C6orf136: variants seen among roughly 807,000 people sequenced by gnomAD.
C6orf136 encodes uncharacterized protein C6orf136.
In C6orf136, 29 loss-of-function variants were observed where a neutral mutation model predicts 44.0. The ratio of observed to expected loss-of-function variants is 0.66; its 90% CI spans 0.49 to 0.90. The LOEUF is 0.90. C6orf136 is among the 40% of genes least tolerant of loss of function. C6orf136 has a pLI of 0.00. For synonymous variants in C6orf136, 293 were observed against 278.6 expected (o/e 1.05, Z -0.52); for missense variants, 628 against 669.3 (o/e 0.94, Z 0.68).
chr6:30,647,483 C>T lies in C6orf136; in HGVS notation c.252C>T (p.Arg84=), dbSNP rs3132594. The T allele has an allele frequency of 0.026, 38,591 of 1,489,316 alleles. 1,078 individuals are homozygous for T. The highest frequency in any genetic ancestry group is 0.14 in the African/African-American group (9,910 of 71,260). The allele number at this position is 1,489,316 out of a possible 1,614,324, so 92.3% of individuals were successfully genotyped here. ...GGGTCGCGGGAGCGGGAGGGAGGCG[C>T]TGCCGGGCCTGTCGCGCAAGGACGT... ...RLGVAGAGGR[R]CRACRARTSV... is the part of the protein sequence containing the mutation. The change falls in exon 1 of 6, where the codon CGC becomes CGT. Residue 84 remains arginine, a synonymous_variant. Transcript: ENST00000651131. The surrounding 1 kb of genome is among the most constrained non-coding windows in gnomAD (Gnocchi z 4.8).
chr6:30,647,752 C>G lies in C6orf136; in HGVS notation c.521C>G (p.Pro174Arg). The G allele has an allele frequency of 6.5e-7, 1 of 1,548,742 alleles. No individual in the cohort carries two copies. Among genetic ancestry groups the G allele is most frequent in the Non-Finnish European group, 8.7e-7 (1 of 1,146,594 alleles). ...LGERSWQEGR[P>R]VCTRFGPLRP... ...GAGCGGTCCTGGCAGGAAGGCCGGC[C>G]AGTGTGCACCCGGTTCGGGCCCCTG... Residue 174 changes from proline to arginine, a missense_variant, in exon 1 of 6, where the codon CCA becomes CGA. Around this residue, in one of 2 missense-constraint regions of C6orf136, gnomAD observed 497 missense variants for 469.2 expected, o/e 1.06. Transcript: ENST00000651131. This position sits in a 1 kb window ranked among gnomAD's most constrained non-coding sequence, Gnocchi z 4.8.
At chr6:30,648,899 T>G (rs1054375601) in intron 1 of C6orf136, among the ~76,000 whole-genome samples, 1 of 151,720 alleles carries the variant, frequency 6.6e-6, no homozygotes, top group Admixed American at 6.6e-5. Context: ...TCCCAGCTAC[T>G]CGGGAGGCTG....
In C6orf136 at chr6:30,647,450, C is replaced by G. The variant is rs1454974068; in HGVS notation, c.219C>G (p.Asp73Glu). 2 of 1,471,812 alleles carry G rather than the reference C, an allele frequency of 1.4e-6. No homozygotes were observed. Among genetic ancestry groups the G allele is most frequent in the South Asian group, 1.4e-5 (1 of 73,328 alleles). The allele number at this position is 1,471,812 out of a possible 1,614,324, so 91.2% of individuals were successfully genotyped here. ...CCACCTGTGCCCTGCAGCGCGTGGACAGGCTAGGGGTCGCGGGAGCGGGAG... is the reference window on the plus strand; with the variant it reads ...CCACCTGTGCCCTGCAGCGCGTGGAGAGGCTAGGGGTCGCGGGAGCGGGAG... ...PLPTCALQRV[D>E]RLGVAGAGGR... Residue 73 changes from aspartate to glutamate, a missense_variant, in exon 1 of 6, where the codon GAC becomes GAG. Asp to Glu is a conservative substitution (Grantham distance 45). This residue lies in a region of C6orf136 where 497 missense variants were observed against 469.2 expected (regional missense o/e 1.06). Coordinates refer to ENST00000651131, the MANE Select transcript of C6orf136 (RefSeq NM_001161376.2). The surrounding 1 kb of genome is among the most constrained non-coding windows in gnomAD (Gnocchi z 4.8).
In C6orf136 at chr6:30,647,284, C is replaced by A. The variant is rs1455893883; in HGVS notation, c.53C>A (p.Ala18Asp). 6.2e-7 allele frequency: 1 copy of A among 1,600,432 alleles called. No individual in the cohort carries two copies. The highest frequency in any genetic ancestry group is 1.7e-5 in the Admixed American group (1 of 58,584). Residue 18 changes from alanine to aspartate, a missense_variant, in exon 1 of 6, where the codon GCC becomes GAC. By Grantham distance (126) the Ala-to-Asp change is moderately radical. Transcript: ENST00000651131. The surrounding 1 kb of genome is among the most constrained non-coding windows in gnomAD (Gnocchi z 4.8). The stretch of plus-strand genomic sequence containing the variant: ...CGGCGTCTCGGCCCTTGCCTGCGCG[C>A]CTACCAGGCTCGACCCCAGGTGAGC... ...AARRLGPCLR[A>D]YQARPQVSGG...
Position 30,647,178 on chromosome 6 carries a change from G to C in C6orf136, c.-54G>C. On this transcript the variant is annotated 5_prime_UTR_variant, in exon 1 of 6. Coordinates refer to ENST00000651131, the MANE Select transcript of C6orf136 (RefSeq NM_001161376.2). This position sits in a 1 kb window ranked among gnomAD's most constrained non-coding sequence, Gnocchi z 4.8. ...CCGGCTCTGGGGCGCGCTCACCCCTGTGAGGAGGCCGGAGGTCGGACTCAG... is the reference window on the plus strand; with the variant it reads ...CCGGCTCTGGGGCGCGCTCACCCCTCTGAGGAGGCCGGAGGTCGGACTCAG... The C allele has an allele frequency of 6.7e-7, 1 of 1,499,420 alleles. No homozygotes were observed. Among genetic ancestry groups the C allele is most frequent in the Non-Finnish European group, 8.8e-7 (1 of 1,130,226 alleles). The allele number at this position is 1,499,420 out of a possible 1,614,324, so 92.9% of individuals were successfully genotyped here. A position where few individuals can be genotyped will look rare whatever the true frequency, so the allele number is the denominator to read the frequency against.
chr6:30,652,393 T>C (rs951740171), intron 4 of C6orf136, among the ~76,000 whole-genome samples: 4 of 152,048 alleles, frequency 2.6e-5, no homozygotes, highest in African/African-American at 7.2e-5. Flanking sequence ...GCCACAAACA[T>C]TGGATATAAG....
chr6:30,647,673 G>GC lies in C6orf136; in HGVS notation c.445dup (p.Gln149ProfsTer51). On this transcript the variant is annotated frameshift_variant, in exon 1 of 6. Transcript: ENST00000651131. LOFTEE classifies it high-confidence loss of function. The surrounding 1 kb of genome is among the most constrained non-coding windows in gnomAD (Gnocchi z 4.8). ...TGCGGCGCCGTCCCGGAGTTCCCCG[G>GC]CCCAGACCAGACCCGCGGGGCGCCC... 1.3e-6 allele frequency: 2 copies of GC among 1,550,116 alleles called. No homozygotes were observed. The highest frequency in any genetic ancestry group is 1.7e-6 in the Non-Finnish European group (2 of 1,146,676).
chr6:30,652,239 TCACACA>T (rs5875269), intron 4 of C6orf136, among the ~76,000 whole-genome samples: 20,840 of 142,414 alleles, frequency 0.15, 1,820 homozygotes, highest in African/African-American at 0.24. Context: ...TGAAACCCTG[TCACACA>T]CACACACACA....
rs1287532123 is a variant in C6orf136, at chr6:30,651,473, G to A, written c.1307+7G>A. 23 of 1,602,736 alleles carry A rather than the reference G, an allele frequency of 1.4e-5. No homozygotes were observed. Among genetic ancestry groups the A allele is most frequent in the Non-Finnish European group, 2.0e-5 (23 of 1,178,570 alleles). On this transcript the variant is annotated splice_region_variant and intron_variant, in intron 4 of 5. Transcript: ENST00000651131. The stretch of plus-strand genomic sequence containing the variant: ...ACAAAGACGAGCATTACCGGTAAGA[G>A]AGAAATGAGAAAGGACCCAAACTAT...
chr6:30,652,483 T>C (rs1767526292), intron 4 of C6orf136, 165 bp from the exon 5 acceptor site: 2 of 662,604 alleles, frequency 3.0e-6, no homozygotes, highest in Admixed American at 2.3e-5. Context: ...CCAAACACTC[T>C]GATTTAATTG....
At position 30,648,844 on chromosome 6, in the gene C6orf136, C is replaced by A. The variant is rs1767139990; in HGVS notation, c.616-714C>A. 2.7e-5 allele frequency among the ~76,000 whole-genome samples: 4 copies of A among 150,372 alleles called. No individual in the cohort carries two copies. In the South Asian group the frequency reaches 8.4e-4, roughly 32 times the overall value. ...CAACATGGTGAAACCCCATCTGTAA[C>A]TAAAAATACAAAAATTAGCCGGGCG... On this transcript the variant is annotated intron_variant, in intron 1 of 5. Transcript: ENST00000651131.
In C6orf136 at chr6:30,647,298, C is replaced by T. The variant is rs1766916114; in HGVS notation, c.67C>T (p.Pro23Ser). ...TTGCCTGCGCGCCTACCAGGCTCGA[C>T]CCCAGGTGAGCGGAGGAGAAGAGGG... is the stretch of plus-strand genomic sequence containing the variant. ...GPCLRAYQAR[P>S]QVSGGEEGGR... The change falls in exon 1 of 6, where the codon CCC (proline) becomes TCC (serine). Residue 23 changes from proline to serine, a missense_variant. Physicochemically the swap from Pro to Ser is moderately conservative, Grantham distance 74. Around this residue, in one of 2 missense-constraint regions of C6orf136, gnomAD observed 497 missense variants for 469.2 expected, o/e 1.06. Coordinates refer to ENST00000651131, the MANE Select transcript of C6orf136 (RefSeq NM_001161376.2). This position sits in a 1 kb window ranked among gnomAD's most constrained non-coding sequence, Gnocchi z 4.8. 2 of 1,599,036 alleles carry T rather than the reference C, an allele frequency of 1.3e-6. No individual in the cohort carries two copies. Among genetic ancestry groups the T allele is most frequent in the South Asian group, 2.2e-5 (2 of 90,222 alleles).
Position 30,652,860 on chromosome 6 carries a change from T to TGGCCCTGGG in C6orf136, c.1438_1446dup (p.Ala480_Gly482dup). On this transcript the variant is annotated inframe_insertion, in exon 6 of 6. Coordinates refer to ENST00000651131, the MANE Select transcript of C6orf136 (RefSeq NM_001161376.2). ...AAGAAGCTGCTAGTGGGAGCCCTGG[T>TGGCCCTGGG]GGCCCTGGGGCTGTCAGAGCCAGAA... The TGGCCCTGGG allele has an allele frequency of 6.2e-7, 1 of 1,613,098 alleles. No homozygotes were observed. Among genetic ancestry groups the TGGCCCTGGG allele is most frequent in the Non-Finnish European group, 8.5e-7 (1 of 1,180,046 alleles).
Position 30,647,607 on chromosome 6 carries a change from G to A in C6orf136, c.376G>A (p.Gly126Ser), listed in dbSNP as rs1471068284. ...CTCTCCGCGGTTACCTGTGCCTAGAGGTGATTTGAAGGGCAGGGGCCGAGA... is the reference window on the plus strand; with the variant it reads ...CTCTCCGCGGTTACCTGTGCCTAGAAGTGATTTGAAGGGCAGGGGCCGAGA... ...PDSPRLPVPR[G>S]DLKGRGREIR... is the part of the protein sequence containing the mutation. The change falls in exon 1 of 6, where the codon GGT (glycine) becomes AGT (serine). Residue 126 changes from glycine to serine, a missense_variant. Physicochemically the swap from Gly to Ser is moderately conservative, Grantham distance 56 (BLOSUM62 0). Transcript: ENST00000651131. This position sits in a 1 kb window ranked among gnomAD's most constrained non-coding sequence, Gnocchi z 4.8. 4 of 1,549,308 alleles carry A rather than the reference G, an allele frequency of 2.6e-6. No homozygotes were observed. Among genetic ancestry groups the A allele is most frequent in the Non-Finnish European group, 3.5e-6 (4 of 1,146,180 alleles).
chr6:30,652,931 T>C lies in C6orf136; in HGVS notation c.*16T>C. ...CAAGCCCTGATCCTTGACCTTGGAGTGGAGGCAGCACTGAAGACTGCTACG... is the reference window on the plus strand; with the variant it reads ...CAAGCCCTGATCCTTGACCTTGGAGCGGAGGCAGCACTGAAGACTGCTACG... On this transcript the variant is annotated 3_prime_UTR_variant, in exon 6 of 6. Transcript: ENST00000651131. 1 of 1,602,340 alleles carries C rather than the reference T, an allele frequency of 6.2e-7. No individual in the cohort carries two copies. The highest frequency in any genetic ancestry group is 8.5e-7 in the Non-Finnish European group (1 of 1,170,980).
At position 30,647,237 on chromosome 6, in the gene C6orf136, C is replaced by T. The variant is rs1280991219; in HGVS notation, c.6C>T (p.Tyr2=). 5.0e-6 allele frequency: 8 copies of T among 1,592,562 alleles called. No homozygotes were observed. Among genetic ancestry groups the T allele is most frequent in the South Asian group, 3.3e-5 (3 of 89,792 alleles). Residue 2 remains tyrosine, a synonymous_variant, in exon 1 of 6, where the codon TAC becomes TAT. Coordinates refer to ENST00000651131, the MANE Select transcript of C6orf136 (RefSeq NM_001161376.2). The surrounding 1 kb of genome is among the most constrained non-coding windows in gnomAD (Gnocchi z 4.8). M[Y]QPSRGAARRL... Reference sequence around the variant, plus strand: ...TTCTCCACTCCCGGAAGATCATGTACCAGCCCAGCCGGGGTGCGGCCCGGC... The same window carrying T: ...TTCTCCACTCCCGGAAGATCATGTATCAGCCCAGCCGGGGTGCGGCCCGGC...
chr6:30,648,422 G>A (rs1381023995), intron 1 of C6orf136, among the ~76,000 whole-genome samples: 3 of 138,040 alleles, frequency 2.2e-5, no homozygotes, highest in Admixed American at 1.5e-4. Flanking sequence ...TTTTTGAAAT[G>A]GAGTCTTGCT....
Position 30,649,570 on chromosome 6 carries a change from C to G in C6orf136, c.628C>G (p.Pro210Ala). The change falls in exon 2 of 6, where the codon CCA becomes GCA. Residue 210 changes from proline (P) to alanine (A), a missense_variant. Pro to Ala is a conservative substitution (Grantham distance 27). Coordinates refer to ENST00000651131, the MANE Select transcript of C6orf136 (RefSeq NM_001161376.2). ...TPSGTEDQLY[P>A]GTLPFPPLWP... ...TCTTTCTCCTTAGGACCAGCTTTATCCAGGGACTCTACCATTCCCACCCCT... is the reference window on the plus strand; with the variant it reads ...TCTTTCTCCTTAGGACCAGCTTTATGCAGGGACTCTACCATTCCCACCCCT... The G allele has an allele frequency of 6.3e-7, 1 of 1,583,656 alleles. No homozygotes were observed. The highest frequency in any genetic ancestry group is 1.2e-5 in the South Asian group (1 of 85,538).
rs747351662 is a variant in C6orf136 at position 30,651,020 on chromosome 6, C to T, written c.1044C>T (p.His348=). ...QELPKLFLQS[H]DYSLYSLDVE... The stretch of plus-strand genomic sequence containing the variant: ...TTCCCAAGCTCTTCCTTCAGTCCCA[C>T]GACTACAGTCTGTATTCCTTGGATG... The change falls in exon 3 of 6, where the codon CAC becomes CAT. Residue 348 remains histidine, a synonymous_variant. Transcript: ENST00000651131. 32 of 1,613,778 alleles carry T rather than the reference C, an allele frequency of 2.0e-5. No homozygotes were observed. Among genetic ancestry groups the T allele is most frequent in the Non-Finnish European group, 2.5e-5 (30 of 1,179,780 alleles).
Sources: gnomAD v4.1 joint callset for allele counts (sites outside exome capture counted in the v4.1 genomes callset) on GRCh38, gnomAD v4.1.1 for gene constraint, gnomAD v4.1.1 regional missense constraint, Gnocchi (gnomAD v3.1) non-coding constraint, MANE v1.5 for transcripts, NCBI Gene and HGNC (gene_info 2026-07-23, HGNC 2026-07-21) for gene names.